Variants in GLP1R observed in about 807,000 individuals in gnomAD.
GLP1R encodes the protein glucagon like peptide 1 receptor, also known as glucagon-like peptide 1 receptor.
Under a neutral mutation model 68.4 loss-of-function variants are expected in GLP1R, and 32 were observed. The ratio of observed to expected loss-of-function variants is 0.47; its 90% CI spans 0.35 to 0.63. The LOEUF (loss-of-function observed/expected upper bound fraction) is 0.63, where lower values mean the gene tolerates loss of function less well. Ranked by LOEUF, GLP1R falls within the 20% of genes least tolerant of loss-of-function variation. The probability of loss-of-function intolerance (pLI) is 0.00; values close to 1 mark genes in which losing one functional copy is unlikely to be tolerated. For synonymous variants in GLP1R, 263 were observed against 244.4 expected, an observed-to-expected ratio of 1.08 and a Z score of -0.71; for missense variants, 502 against 594.9, an observed-to-expected ratio of 0.84 and a Z score of 1.62.
Position 39,091,120 on chromosome 6 carries a change from C to T in GLP1R, c.*5047C>T, listed in dbSNP as rs533037659. Among the ~76,000 whole-genome samples the T allele has an allele frequency of 6.6e-6, 1 of 152,226 alleles. No homozygotes were observed. The highest frequency in any genetic ancestry group is 1.9e-4 in the East Asian group (1 of 5,178). On this transcript the variant is annotated 3_prime_UTR_variant, in exon 13 of 13. Transcript: ENST00000373256. ...TCAGTGCTCTTGGGGGATGTTTGCT[C>T]CTCATGAGTGTTTAAACAAGATCAT... is the stretch of plus-strand genomic sequence containing the variant.
chr6:39,079,763 C>T lies in GLP1R; in HGVS notation c.1182+61C>T, dbSNP rs1768943420. Reference sequence around the variant, plus strand: ...CCTAGAGTGGGGGTGGGACAGACACCAGCCTGCATCATGCAGATGGAAAAG... The same window carrying T: ...CCTAGAGTGGGGGTGGGACAGACACTAGCCTGCATCATGCAGATGGAAAAG... On this transcript the variant is annotated intron_variant, in intron 11 of 12. Transcript: ENST00000373256. This position sits in a 1 kb window ranked among gnomAD's most constrained non-coding sequence, Gnocchi z 4.5. The T allele has an allele frequency of 4.9e-6, 7 of 1,418,548 alleles. No individual in the cohort carries two copies. The highest frequency in any genetic ancestry group is 5.9e-6 in the Non-Finnish European group (6 of 1,016,172). The allele number at this position is 1,418,548 out of a possible 1,614,324, so 87.9% of individuals were successfully genotyped here. A position where few individuals can be genotyped will look rare whatever the true frequency, so the allele number is the denominator to read the frequency against.
intron 12 of GLP1R, among the ~76,000 whole-genome samples, chr6:39,081,797 G>A (rs1769018784): frequency 6.6e-6 from 1 of 152,202 alleles, no homozygotes; most frequent in African/African-American, 2.4e-5. Context: ...CACTTAATGA[G>A]CTGTGTGACT....
chr6:39,050,798 G>A (rs1029472940), intron 1 of GLP1R, among the ~76,000 whole-genome samples: 3 of 152,190 alleles, frequency 2.0e-5, no homozygotes, highest in Non-Finnish European at 4.4e-5. Context: ...GCTGATGGGG[G>A]AATGAAAGCT....
rs974405987 is a variant in GLP1R at position 39,089,615 on chromosome 6, C to T, written c.*3542C>T. 3.3e-5 allele frequency among the ~76,000 whole-genome samples: 5 copies of T among 151,848 alleles called. No individual in the cohort carries two copies. The highest frequency in any genetic ancestry group is 1.9e-4 in the East Asian group (1 of 5,182). On this transcript the variant is annotated 3_prime_UTR_variant, in exon 13 of 13. Transcript: ENST00000373256. The surrounding 1 kb of genome is among the most constrained non-coding windows in gnomAD (Gnocchi z 4.1). ...GCAAGGAAAGAACATTGCATGTGGG[C>T]GTGTGTGTGTGTATGTGTGTGCATG...
At chr6:39,073,573 A>G (rs1768730179) in intron 6 of GLP1R, 37 bp from the exon 7 acceptor site, 1 of 1,596,940 alleles carries the variant, frequency 6.3e-7, no homozygotes, top group Non-Finnish European at 8.6e-7. Flanking sequence ...CAGAGGGCAG[A>G]GCTGTTGTCC....
chr6:39,077,051 G>A (rs775332020), intron 7 of GLP1R, among the ~76,000 whole-genome samples: 1 of 152,136 alleles, frequency 6.6e-6, no homozygotes, highest in African/African-American at 2.4e-5. Flanking sequence ...GCTGCAGAAC[G>A]ATTAACCCTG....
chr6:39,078,518 T>A, intron 8 of GLP1R, 136 bp downstream of exon 8: 1 of 712,052 alleles, frequency 1.4e-6, no homozygotes, highest in Non-Finnish European at 2.5e-6. Flanking sequence ...TGAATTTAGT[T>A]CTCTAATCTC....
At chr6:39,072,367 C>T (rs1768692659) in intron 5 of GLP1R, among the ~76,000 whole-genome samples, 2 of 152,172 alleles carry the variant, frequency 1.3e-5, no homozygotes, top group South Asian at 4.1e-4. Context: ...AGGTAAATAG[C>T]CTTCATTAGG....
chr6:39,057,450 A>T (rs770191921), intron 2 of GLP1R, 22 bp from the exon 3 acceptor site: 2 of 1,505,794 alleles, frequency 1.3e-6, no homozygotes, highest in South Asian at 2.3e-5. Flanking sequence ...AGGGACTCAG[A>T]GACTGTTCTT....
At chr6:39,076,782 G>C (rs2268644) in intron 7 of GLP1R, among the ~76,000 whole-genome samples, 76,861 of 152,000 alleles carry the variant, frequency 0.51, 20,193 homozygotes, top group South Asian at 0.59. Context: ...GACGAGCATG[G>C]AGACAGCCAG....
chr6:39,085,376 G>A (rs1040382041), intron 12 of GLP1R, among the ~76,000 whole-genome samples: 11 of 152,286 alleles, frequency 7.2e-5, no homozygotes, highest in South Asian at 2.1e-4. Flanking sequence ...GCTGTTTCCC[G>A]TCTCAGCCAC....
Position 39,059,433 on chromosome 6 carries a change from A to C in GLP1R, c.283+1854A>C, listed in dbSNP as rs116975536. 3.3e-3 allele frequency among the ~76,000 whole-genome samples: 502 copies of C among 152,292 alleles called. 10 individuals carry two copies. The highest frequency in any genetic ancestry group is 0.031 in the East Asian group (163 of 5,176). On this transcript the variant is annotated intron_variant, in intron 3 of 12. Transcript: ENST00000373256. ...TTGCATGTGGCTCTGGCCTGGAGAC[A>C]GGTGAGTGATCTGGATGCCCTCTGC...
intron 8 of GLP1R, 42 bp downstream of exon 8, chr6:39,078,424 C>T (rs202097268): frequency 7.3e-6 from 10 of 1,371,798 alleles, no homozygotes; most frequent in Admixed American, 6.7e-5. Flanking sequence ...CCCAGGTCCC[C>T]ATCCTCAAGG....
intron 12 of GLP1R, among the ~76,000 whole-genome samples, chr6:39,084,543 G>A (rs1769095348): frequency 1.3e-5 from 2 of 152,152 alleles, no homozygotes; most frequent in African/African-American, 2.4e-5. Context: ...AGCTGCACAA[G>A]TGGGGGCCAC....
chr6:39,054,446 G>A (rs532397875), intron 1 of GLP1R, among the ~76,000 whole-genome samples: 1 of 152,230 alleles, frequency 6.6e-6, no homozygotes, highest in African/African-American at 2.4e-5. Context: ...CACCTAAGGG[G>A]GAGCCACAGC....
rs1768665891 is a variant in GLP1R at position 39,071,502 on chromosome 6, A to G, written c.510-1360A>G. 2.0e-5 allele frequency among the ~76,000 whole-genome samples: 3 copies of G among 152,102 alleles called. No homozygotes were observed. In the South Asian group the frequency reaches 6.2e-4, roughly 31 times the overall value. On this transcript the variant is annotated intron_variant, in intron 5 of 12. Coordinates refer to ENST00000373256, the MANE Select transcript of GLP1R (RefSeq NM_002062.5). ...GCTTGGAATTCATATTGCGTATGAT[A>G]TAAATAAAGGATTTCATTTTTTTTT...
chr6:39,056,957 A>G (rs1464353320), intron 2 of GLP1R, among the ~76,000 whole-genome samples: 8 of 152,242 alleles, frequency 5.3e-5, no homozygotes, highest in Non-Finnish European at 1.2e-4. Context: ...ATTTATAGGA[A>G]TAAATGTTTC....
intron 3 of GLP1R, among the ~76,000 whole-genome samples, chr6:39,060,159 A>G (rs983806223): frequency 2.6e-5 from 4 of 152,102 alleles, no homozygotes; most frequent in Non-Finnish European, 5.9e-5. Flanking sequence ...TTCCTTGGCA[A>G]AGGTTGGCAG....
At chr6:39,048,980 A>G in intron 1 of GLP1R, 62 bp downstream of exon 1, 1 of 678,634 alleles carries the variant, frequency 1.5e-6, no homozygotes, top group Middle Eastern at 3.5e-4. Context: ...CTGCAGGCGC[A>G]GTGTCCTGGT....
Sources: allele counts gnomAD v4.1 joint callset (sites outside exome capture counted in the v4.1 genomes callset), GRCh38; gene constraint gnomAD v4.1.1; non-coding constraint Gnocchi (gnomAD v3.1); transcripts MANE v1.5; gene names NCBI Gene and HGNC (gene_info 2026-07-23, HGNC 2026-07-21).